The following ABHD6 variants were observed in gnomAD, a reference collection of about 807,000 sequenced individuals.
The protein encoded by ABHD6 is monoacylglycerol lipase ABHD6.
Under a neutral mutation model 38.8 loss-of-function variants are expected in ABHD6, and 33 were observed. The ratio of observed to expected loss-of-function variants is 0.85; its 90% CI spans 0.64 to 1.14. ABHD6 has a LOEUF of 1.14. ABHD6 is among the 50% of genes most tolerant of loss of function. ABHD6 has a pLI of 0.00. For synonymous variants in ABHD6, 147 were observed against 161.6 expected (o/e 0.91, Z 0.69); for missense variants, 380 against 422.6 (o/e 0.90, Z 0.88).
intron 2 of ABHD6, among the ~76,000 whole-genome samples, chr3:58,253,370 G>A (rs577598788): frequency 5.3e-5 from 8 of 152,278 alleles, no homozygotes; most frequent in African/African-American, 1.9e-4. Flanking sequence ...AAAGCTGACA[G>A]TTCCCATCTG....
At position 58,285,441 on chromosome 3, in the gene ABHD6, G is replaced by A. The variant is rs773422259; in HGVS notation, c.825G>A (p.Gly275=). The A allele has an allele frequency of 6.2e-7, 1 of 1,613,974 alleles. No individual in the cohort carries two copies. The highest frequency in any genetic ancestry group is 1.1e-5 in the South Asian group (1 of 91,076). The change falls in exon 9 of 10, where the codon GGG becomes GGA. Residue 275 remains glycine (G), a synonymous_variant. Coordinates refer to ENST00000478253, the MANE Select transcript of ABHD6 (RefSeq NM_001320126.2). This position sits in a 1 kb window ranked among gnomAD's most constrained non-coding sequence, Gnocchi z 4.9. ...KIKVPTQIIW[G]KQDQVLDVSG... Reference sequence around the variant, plus strand: ...AGGTTCCGACGCAGATCATCTGGGGGAAACAAGACCAGGTATGTAACACAT... The same window carrying A: ...AGGTTCCGACGCAGATCATCTGGGGAAAACAAGACCAGGTATGTAACACAT...
chr3:58,252,233 T>TTTTTTG (rs2097430456), intron 2 of ABHD6, among the ~76,000 whole-genome samples: 2 of 140,354 alleles, frequency 1.4e-5, no homozygotes, highest in South Asian at 2.4e-4. Context: ...CTGCTTGTTT[T>TTTTTTG]TTTTTTTTTT....
intron 7 of ABHD6, among the ~76,000 whole-genome samples, chr3:58,277,243 A>G (rs952152888): frequency 2.6e-5 from 4 of 152,222 alleles, no homozygotes; most frequent in Admixed American, 2.0e-4. Context: ...CTTACTATCC[A>G]TGAGCATGGA....
chr3:58,286,822 A>ATGTGTG (rs56020810), intron 9 of ABHD6, among the ~76,000 whole-genome samples: 3 of 74,766 alleles, frequency 4.0e-5, no homozygotes, highest in Non-Finnish European at 7.2e-5. Flanking sequence ...AAGATCATAT[A>ATGTGTG]TGTGTGTGTG....
intron 7 of ABHD6, among the ~76,000 whole-genome samples, chr3:58,282,544 C>T (rs904847579): frequency 6.6e-6 from 1 of 152,012 alleles, no homozygotes; most frequent in African/African-American, 2.4e-5. Flanking sequence ...CCAGCCTGGG[C>T]AACGTGGTGA....
intron 9 of ABHD6, among the ~76,000 whole-genome samples, chr3:58,289,668 T>G (rs534877747): frequency 2.2e-4 from 34 of 152,330 alleles, no homozygotes; most frequent in Non-Finnish European, 4.0e-4. Context: ...ATCCGATTTC[T>G]CAATCTTTTC....
chr3:58,286,870 G>GTATATATATATATA (rs1315175509), intron 9 of ABHD6, among the ~76,000 whole-genome samples: 2 of 75,060 alleles, frequency 2.7e-5, no homozygotes, highest in Admixed American at 1.6e-4. Flanking sequence ...ATATATATAT[G>GTATATATATATATA]TATATGTATA....
At chr3:58,260,086 G>A (rs1212905128) in intron 3 of ABHD6, among the ~76,000 whole-genome samples, 1 of 152,188 alleles carries the variant, frequency 6.6e-6, no homozygotes, top group African/African-American at 2.4e-5. Flanking sequence ...CCATTCATCT[G>A]TTGATGGACA....
intron 1 of ABHD6, among the ~76,000 whole-genome samples, chr3:58,245,817 GAAAGAAAGAA>G (rs1341245821): frequency 1.4e-4 from 13 of 95,676 alleles, no homozygotes; most frequent in East Asian, 5.3e-4. Flanking sequence ...AGAGAAGAAA[GAAAGAAAGAA>G]AAAGAAAGAA....
chr3:58,286,874 A>ATATG (rs1559784540), intron 9 of ABHD6, among the ~76,000 whole-genome samples: 12 of 134,720 alleles, frequency 8.9e-5, no homozygotes, highest in East Asian at 4.6e-4. Flanking sequence ...ATATATGTAT[A>ATATG]TGTATATATA....
intron 2 of ABHD6, among the ~76,000 whole-genome samples, chr3:58,255,755 C>T (rs1206712252): frequency 3.3e-5 from 5 of 152,236 alleles, no homozygotes; most frequent in African/African-American, 1.2e-4. Context: ...AGCGATTCTC[C>T]TGCCTCAGCC....
intron 3 of ABHD6, chr3:58,258,470 A>T: frequency 2.9e-6 from 1 of 344,690 alleles, no homozygotes; most frequent in Non-Finnish European, 6.0e-6. Flanking sequence ...CAGAAGGTTA[A>T]CAGTCAAAAA....
In ABHD6 at chr3:58,265,017, C is replaced by T. The variant is rs147139306; in HGVS notation, c.120-2172C>T. 0.013 allele frequency among the ~76,000 whole-genome samples: 1,988 copies of T among 152,024 alleles called. 40 individuals are homozygous for T. The highest frequency in any genetic ancestry group is 0.043 in the African/African-American group (1,765 of 41,460). On this transcript the variant is annotated intron_variant, in intron 3 of 9. Coordinates refer to ENST00000478253, the MANE Select transcript of ABHD6 (RefSeq NM_001320126.2). This position sits in a 1 kb window ranked among gnomAD's most constrained non-coding sequence, Gnocchi z 4.2. ...TCATTCTTTCTATTTTTTTTGTACC[C>T]ATTAACCATCCCCACTTCTCCCCTA...
In ABHD6 at chr3:58,270,994, C is replaced by T; in HGVS notation, c.453C>T (p.Gly151=). The T allele has an allele frequency of 2.5e-6, 4 of 1,613,080 alleles. No homozygotes were observed. Among genetic ancestry groups the T allele is most frequent in the Non-Finnish European group, 3.4e-6 (4 of 1,179,712 alleles). Residue 151 remains glycine, a synonymous_variant, in exon 6 of 10, where the codon GGC becomes GGT. Transcript: ENST00000478253. Reference sequence around the variant, plus strand: ...ACCTGGTAGGCACCTCCATGGGTGGCCAGGTGGCTGGGGTGTATGCTGCTT... The same window carrying T: ...ACCTGGTAGGCACCTCCATGGGTGGTCAGGTGGCTGGGGTGTATGCTGCTT... ...PFHLVGTSMG[G]QVAGVYAAYY...
chr3:58,271,605 T>C (rs1361561307), intron 6 of ABHD6, among the ~76,000 whole-genome samples: 2 of 152,076 alleles, frequency 1.3e-5, no homozygotes, highest in African/African-American at 4.8e-5. Context: ...TCTACTGTTA[T>C]ATGTACATAT....
At chr3:58,243,184 G>A (rs2097424063) in intron 1 of ABHD6, among the ~76,000 whole-genome samples, 1 of 152,170 alleles carries the variant, frequency 6.6e-6, no homozygotes, top group African/African-American at 2.4e-5. Context: ...ATAAACATAT[G>A]TGTTCATGTG....
chr3:58,268,534 A>C (rs533063301), intron 4 of ABHD6, among the ~76,000 whole-genome samples: 1 of 152,248 alleles, frequency 6.6e-6, no homozygotes, highest in South Asian at 2.1e-4. Context: ...GGCAGGAAGC[A>C]TCCCTGGCTC....
At position 58,267,659 on chromosome 3, in the gene ABHD6, G is replaced by T. The variant is rs2097442094; in HGVS notation, c.276+314G>T. Among the ~76,000 whole-genome samples, 3 of 151,692 alleles carry T rather than the reference G, an allele frequency of 2.0e-5. No homozygotes were observed. The highest frequency in any genetic ancestry group is 4.4e-5 in the Non-Finnish European group (3 of 67,940). ...AGCCTGGGCAACAGAATAAGACTCTGTCTCAAAAAAAATAAAAATAAAAAA... is the reference window on the plus strand; with the variant it reads ...AGCCTGGGCAACAGAATAAGACTCTTTCTCAAAAAAAATAAAAATAAAAAA... On this transcript the variant is annotated intron_variant, in intron 4 of 9. Transcript: ENST00000478253. This position sits in a 1 kb window ranked among gnomAD's most constrained non-coding sequence, Gnocchi z 4.3.
In ABHD6 at chr3:58,273,348, C is replaced by G. The variant is rs2097446383; in HGVS notation, c.524-1310C>G. ...GCTAAGAGAGGAGGATTGCTTGAGG[C>G]CAGGAGTTCAAGACCAGCCTAAGGG... On this transcript the variant is annotated intron_variant, in intron 6 of 9. Coordinates refer to ENST00000478253, the MANE Select transcript of ABHD6 (RefSeq NM_001320126.2). This position sits in a 1 kb window ranked among gnomAD's most constrained non-coding sequence, Gnocchi z 4.8. Among the ~76,000 whole-genome samples the G allele has an allele frequency of 6.6e-6, 1 of 151,890 alleles. No individual in the cohort carries two copies. Among genetic ancestry groups the G allele is most frequent in the Admixed American group, 6.6e-5 (1 of 15,228 alleles).
Sources: allele counts gnomAD v4.1 joint callset (sites outside exome capture counted in the v4.1 genomes callset), GRCh38; gene constraint gnomAD v4.1.1; non-coding constraint Gnocchi (gnomAD v3.1); transcripts MANE v1.5; gene names NCBI Gene and HGNC (gene_info 2026-07-23, HGNC 2026-07-21).